NCOA6: variants seen among roughly 807,000 people sequenced by gnomAD.
The protein encoded by NCOA6 is nuclear receptor coactivator 6, also known as NRC RAP250.
Under a neutral mutation model 171.4 loss-of-function variants are expected in NCOA6, and 49 were observed. The ratio of observed to expected loss-of-function variants is 0.29; its 90% CI spans 0.23 to 0.36. The LOEUF (loss-of-function observed/expected upper bound fraction) is 0.36, where lower values mean the gene tolerates loss of function less well. Ranked by LOEUF, NCOA6 falls within the 10% of genes least tolerant of loss-of-function variation. The probability of loss-of-function intolerance (pLI) is 1.00; values close to 1 mark genes in which losing one functional copy is unlikely to be tolerated. For missense variants in NCOA6, 2,248 were observed against 2,554.5 expected (o/e 0.88, Z 2.59); for synonymous variants, 910 against 927.5 (o/e 0.98, Z 0.34).
At chr20:34,807,939 C>T (rs551671488) in intron 1 of NCOA6, among the ~76,000 whole-genome samples, 10 of 151,270 alleles carry the variant, frequency 6.6e-5, no homozygotes, top group Non-Finnish European at 1.0e-4. Context: ...CACATGAAGT[C>T]GGGAGTTTGA....
intron 3 of NCOA6, among the ~76,000 whole-genome samples, chr20:34,780,745 C>T (rs1468173352): frequency 6.6e-6 from 1 of 152,080 alleles, no homozygotes; most frequent in African/African-American, 2.4e-5. Flanking sequence ...TTTGACCTCC[C>T]TGGGCTCAAG....
intron 1 of NCOA6, among the ~76,000 whole-genome samples, chr20:34,806,509 G>C (rs1267897313): frequency 2.6e-5 from 4 of 152,098 alleles, no homozygotes; most frequent in Admixed American, 6.6e-5. Context: ...TTTCCTCTAT[G>C]TTTTCTTTTA....
In NCOA6 at chr20:34,741,088, G is replaced by C; in HGVS notation, c.5168C>G (p.Ala1723Gly). The part of the protein sequence containing the change: ...VPPNALSSSP[A>G]PNIQTGRPLV... ...AGGTCGACCTGTCTGGATGTTTGGA[G>C]CAGGACTACTGGAGAGGGCATTAGG... is the stretch of plus-strand genomic sequence containing the variant. Residue 1723 changes from alanine (A) to glycine (G), a missense_variant, in exon 11 of 15, where the codon GCT becomes GGT. Ala to Gly is a moderately conservative substitution (Grantham distance 60, BLOSUM62 0). Around this residue, in one of 7 missense-constraint regions of NCOA6, gnomAD observed 884 missense variants for 941.9 expected, o/e 0.94. Coordinates refer to ENST00000359003, the MANE Select transcript of NCOA6 (RefSeq NM_014071.5). 1.2e-6 allele frequency: 2 copies of C among 1,614,230 alleles called. No homozygotes were observed. The highest frequency in any genetic ancestry group is 1.7e-6 in the Non-Finnish European group (2 of 1,180,030).
chr20:34,775,672 C>CAAAAAAAAAAAAAAAAAAAAAAAAAA (rs570763953), intron 4 of NCOA6, among the ~76,000 whole-genome samples: 2 of 77,528 alleles, frequency 2.6e-5, no homozygotes, highest in Non-Finnish European at 5.1e-5. Flanking sequence ...GACTCTGTCT[C>CAAAAAAAAAAAAAAAAAAAAAAAAAA]AAAAAAAAAA....
At chr20:34,745,331 G>A (rs938505816) in intron 10 of NCOA6, among the ~76,000 whole-genome samples, 2 of 152,140 alleles carry the variant, frequency 1.3e-5, no homozygotes, top group African/African-American at 4.8e-5. Flanking sequence ...CCAGTTTGCA[G>A]AAAGAAGGCA....
At chr20:34,738,043 T>C (rs972311113) in intron 11 of NCOA6, among the ~76,000 whole-genome samples, 1 of 152,054 alleles carries the variant, frequency 6.6e-6, no homozygotes, top group Non-Finnish European at 1.5e-5. Flanking sequence ...GGACCACAGG[T>C]GCATGCCACC....
intron 1 of NCOA6, chr20:34,819,272 G>T (rs1247458714): frequency 3.9e-5 from 6 of 152,176 alleles, no homozygotes; most frequent in African/African-American, 1.4e-4. Flanking sequence ...CAGCAAGGCA[G>T]ACTATGGAGA....
At chr20:34,733,272 T>G (rs2075841736) in intron 12 of NCOA6, among the ~76,000 whole-genome samples, 1 of 152,196 alleles carries the variant, frequency 6.6e-6, no homozygotes, top group Non-Finnish European at 1.5e-5. Context: ...TAGTTCCATC[T>G]TTTCCAAAAG....
At chr20:34,793,519 T>C (rs189583228) in intron 1 of NCOA6, among the ~76,000 whole-genome samples, 2 of 152,016 alleles carry the variant, frequency 1.3e-5, no homozygotes, top group Non-Finnish European at 2.9e-5. Flanking sequence ...GCTATTCAGG[T>C]GACTAAAGCA....
Position 34,741,628 on chromosome 20 carries a change from G to A in NCOA6, c.4628C>T (p.Pro1543Leu), listed in dbSNP as rs2076147651. 2.5e-6 allele frequency: 4 copies of A among 1,614,160 alleles called. No homozygotes were observed. The highest frequency in any genetic ancestry group is 3.4e-6 in the Non-Finnish European group (4 of 1,180,034). The change falls in exon 11 of 15, where the codon CCT becomes CTT. Residue 1543 changes from proline (P) to leucine (L), a missense_variant. Transcript: ENST00000359003. ...GTGAGGTAAGTTTAGGGAATTAGAA[G>A]GTTCTTTAGAAGAAGACAGATCCTG... is the stretch of plus-strand genomic sequence containing the variant. ...TLQDLSSSKE[P>L]SNSLNLPHSN...
chr20:34,776,169 C>T, intron 4 of NCOA6, 124 bp downstream of exon 4: 1 of 1,258,718 alleles, frequency 7.9e-7, no homozygotes, highest in Non-Finnish European at 1.1e-6. Context: ...GTACAAGTTA[C>T]ATGAGTTGCT....
At chr20:34,751,373 T>G in intron 8 of NCOA6, among the ~76,000 whole-genome samples, 1 of 21,152 alleles carries the variant, frequency 4.7e-5, no homozygotes, top group South Asian at 7.3e-4. Context: ...CAAGACTCCG[T>G]CTCAAAAAAA....
intron 5 of NCOA6, among the ~76,000 whole-genome samples, chr20:34,761,646 G>A (rs2076821646): frequency 6.6e-6 from 1 of 152,008 alleles, no homozygotes; most frequent in South Asian, 2.1e-4. Context: ...AATTATGACT[G>A]CATGGTTTTG....
At chr20:34,728,260 T>G (rs1990207054) in intron 13 of NCOA6, among the ~76,000 whole-genome samples, 2 of 152,116 alleles carry the variant, frequency 1.3e-5, no homozygotes, top group African/African-American at 4.8e-5. Flanking sequence ...AATACACTGC[T>G]AGGTATATTG....
intron 2 of NCOA6, among the ~76,000 whole-genome samples, chr20:34,790,842 G>C (rs1464973202): frequency 6.6e-6 from 1 of 150,784 alleles, no homozygotes; most frequent in Non-Finnish European, 1.5e-5. Context: ...GGAGAGATGA[G>C]GTTTCACCAT....
intron 4 of NCOA6, among the ~76,000 whole-genome samples, chr20:34,769,515 C>G (rs917192493): frequency 2.0e-5 from 3 of 152,004 alleles, no homozygotes; most frequent in Non-Finnish European, 4.4e-5. Context: ...AGGCGCCCAC[C>G]ACCACGCCCA....
intron 1 of NCOA6, chr20:34,809,644 C>T (rs1026898402): frequency 5.1e-6 from 2 of 389,726 alleles, no homozygotes; most frequent in Non-Finnish European, 9.0e-6. Flanking sequence ...CTTCTCTCTA[C>T]CACTGTTTCT....
At chr20:34,732,868 T>G (rs113681744) in intron 12 of NCOA6, 1 of 288,754 alleles carries the variant, frequency 3.5e-6, no homozygotes, top group Non-Finnish European at 6.5e-6. Context: ...TGTTCATATT[T>G]CATCCAGTTA....
At chr20:34,721,482 G>T (rs931667924) in intron 14 of NCOA6, among the ~76,000 whole-genome samples, 1 of 152,004 alleles carries the variant, frequency 6.6e-6, no homozygotes, top group African/African-American at 2.4e-5. Context: ...ATGGACTGGG[G>T]GTTGCGGGGG....
Sources: allele counts gnomAD v4.1 joint callset (sites outside exome capture counted in the v4.1 genomes callset), GRCh38; gene constraint gnomAD v4.1.1; regional missense constraint gnomAD v4.1.1; transcripts MANE v1.5; gene names NCBI Gene and HGNC (gene_info 2026-07-23, HGNC 2026-07-21).